The following MDGA2 variants were observed in gnomAD, a reference collection of about 807,000 sequenced individuals.
MDGA2 encodes MAM domain containing glycosylphosphatidylinositol anchor 2.
In MDGA2, 40 loss-of-function variants were observed where a neutral mutation model predicts 117.8. The observed-to-expected ratio is 0.34, with a 90% CI of 0.26 to 0.44. The LOEUF is 0.44. Among genes scored for constraint, MDGA2 ranks in the 20% least tolerant of loss-of-function variants. MDGA2 has a pLI of 1.00. For synonymous variants in MDGA2, 452 were observed against 439.0 expected (o/e 1.03, Z -0.37); for missense variants, 1,123 against 1,250.6 (o/e 0.90, Z 1.54).
chr14:47,026,977 G>A (rs1327841255), intron 8 of MDGA2, among the ~76,000 whole-genome samples: 1 of 151,886 alleles, frequency 6.6e-6, no homozygotes, highest in Non-Finnish European at 1.5e-5. Context: ...TTTGAATCCA[G>A]GCTGGGCAAC....
chr14:46,932,017 C>A (rs73237212), intron 9 of MDGA2, among the ~76,000 whole-genome samples: 3 of 151,374 alleles, frequency 2.0e-5, no homozygotes, highest in African/African-American at 7.3e-5. Flanking sequence ...TGTACATAAC[C>A]CATAATTCGA....
intron 3 of MDGA2, among the ~76,000 whole-genome samples, chr14:47,158,724 G>C (rs1479080133): frequency 1.3e-5 from 2 of 152,056 alleles, no homozygotes; most frequent in African/African-American, 4.8e-5. Flanking sequence ...CAAAGTGCTG[G>C]GATTACAGGC....
chr14:47,346,996 C>G (rs8004035), intron 1 of MDGA2, among the ~76,000 whole-genome samples: 2 of 151,878 alleles, frequency 1.3e-5, no homozygotes, highest in Non-Finnish European at 2.9e-5. Flanking sequence ...AATGGAAGGA[C>G]AACTGGGACG....
Position 47,449,287 on chromosome 14 carries a change from T to C in MDGA2, c.281-147737A>G, listed in dbSNP as rs182876907. Among the ~76,000 whole-genome samples, 336 of 152,266 alleles carry C rather than the reference T, an allele frequency of 2.2e-3. 3 individuals are homozygous for C. Among genetic ancestry groups the C allele is most frequent in the African/African-American group, 7.8e-3 (324 of 41,560 alleles). ...TATACCAACAAAAGCATATTTCATA[T>C]TTTAAATTCGAGTTGCTTATGGGTC... On this transcript the variant is annotated intron_variant, in intron 1 of 16. Coordinates refer to ENST00000399232, the MANE Select transcript of MDGA2 (RefSeq NM_001113498.3).
chr14:47,128,312 T>C (rs898090036), intron 5 of MDGA2, among the ~76,000 whole-genome samples: 1 of 152,088 alleles, frequency 6.6e-6, no homozygotes, highest in Non-Finnish European at 1.5e-5. Context: ...ACACTAAAGA[T>C]TTTAAAAATT....
chr14:47,300,413 C>CAT (rs764326038), intron 2 of MDGA2, among the ~76,000 whole-genome samples: 2 of 151,882 alleles, frequency 1.3e-5, no homozygotes, highest in East Asian at 1.9e-4. Flanking sequence ...ATTGTTGCAT[C>CAT]ATATATATAT....
intron 9 of MDGA2, among the ~76,000 whole-genome samples, chr14:46,941,088 A>G (rs1884981531): frequency 6.6e-6 from 1 of 152,236 alleles, no homozygotes; most frequent in African/African-American, 2.4e-5. Flanking sequence ...GAAAAAGAAT[A>G]GAGCACAAAT....
rs368132426 is a variant in MDGA2 at position 47,335,428 on chromosome 14, G to A, written c.281-33878C>T. On this transcript the variant is annotated intron_variant, in intron 1 of 16. Transcript: ENST00000399232. Reference sequence around the variant, plus strand: ...GAATGAGCCATATGGATATGTAGGCGAAAAGCCTTCCAAGTTTTGGAAGCA... The same window carrying A: ...GAATGAGCCATATGGATATGTAGGCAAAAAGCCTTCCAAGTTTTGGAAGCA... Among the ~76,000 whole-genome samples the A allele has an allele frequency of 5.0e-4, 76 of 151,446 alleles. No individual in the cohort carries two copies. The Middle Eastern group carries it at 0.01, about 20-fold the overall frequency.
At chr14:47,118,335 T>C (rs1266489994) in intron 5 of MDGA2, among the ~76,000 whole-genome samples, 2 of 152,152 alleles carry the variant, frequency 1.3e-5, no homozygotes, top group East Asian at 1.9e-4. Context: ...AAGAACTAAA[T>C]AGGTTACTAC....
At chr14:47,481,116 G>T (rs905477412) in intron 1 of MDGA2, among the ~76,000 whole-genome samples, 1 of 151,910 alleles carries the variant, frequency 6.6e-6, no homozygotes, top group African/African-American at 2.4e-5. Context: ...ACCAGATCCA[G>T]TTCTTGCCTA....
chr14:47,034,978 C>T (rs950736121), intron 8 of MDGA2, 33 bp downstream of exon 8: 1 of 1,573,204 alleles, frequency 6.4e-7, no homozygotes, highest in Non-Finnish European at 8.7e-7. Flanking sequence ...CCCTTGTCCC[C>T]ATATGGAAAT....
At chr14:46,874,250 C>T in intron 12 of MDGA2, 50 bp from the exon 13 acceptor site, 1 of 907,712 alleles carries the variant, frequency 1.1e-6, no homozygotes, top group East Asian at 3.3e-5. Flanking sequence ...AATACACATA[C>T]TGCAATATTT....
chr14:46,917,678 A>G (rs1373065021), intron 10 of MDGA2, among the ~76,000 whole-genome samples: 1 of 152,214 alleles, frequency 6.6e-6, no homozygotes, highest in Non-Finnish European at 1.5e-5. Context: ...TTTCAAAAGG[A>G]ACAATACAAT....
intron 8 of MDGA2, among the ~76,000 whole-genome samples, chr14:47,021,420 T>C (rs142332753): frequency 0.024 from 3,655 of 152,278 alleles, 71 homozygotes; most frequent in Middle Eastern, 0.054. Context: ...TCATTATATA[T>C]AGCAAGAATT....
chr14:46,939,399 A>C (rs552929173), intron 9 of MDGA2, among the ~76,000 whole-genome samples: 1 of 152,194 alleles, frequency 6.6e-6, no homozygotes, highest in Admixed American at 6.5e-5. Context: ...ATTATAAGTC[A>C]CTTAAAAAGT....
chr14:47,351,077 A>T (rs1890867815), intron 1 of MDGA2, among the ~76,000 whole-genome samples: 1 of 68,054 alleles, frequency 1.5e-5, no homozygotes, highest in Non-Finnish European at 3.4e-5. Context: ...AGGCCCGGCT[A>T]ATTTTTTTTT....
chr14:46,887,628 C>G (rs1437795128), intron 10 of MDGA2, among the ~76,000 whole-genome samples: 1 of 151,810 alleles, frequency 6.6e-6, no homozygotes, highest in African/African-American at 2.4e-5. Context: ...GATAAAAATC[C>G]TAATTCCACA....
chr14:46,957,447 A>G lies in MDGA2; in HGVS notation c.2016T>C (p.Asn672=). 1 of 1,614,134 alleles carries G rather than the reference A, an allele frequency of 6.2e-7. No homozygotes were observed. The highest frequency in any genetic ancestry group is 8.5e-7 in the Non-Finnish European group (1 of 1,180,004). Residue 672 remains asparagine (N), a synonymous_variant, in exon 9 of 17, where the codon AAT becomes AAC. Transcript: ENST00000399232. ...TACAGTTATAAACCCCATAGTTTTCATTGGAAAGACTCTTCACAGCGTACT... is the reference window on the plus strand; with the variant it reads ...TACAGTTATAAACCCCATAGTTTTCGTTGGAAAGACTCTTCACAGCGTACT... The part of the protein sequence containing the change: ...YTEYAVKSLS[N]ENYGVYNCSI...
chr14:47,608,106 C>A (rs1896774003), intron 1 of MDGA2, among the ~76,000 whole-genome samples: 1 of 152,020 alleles, frequency 6.6e-6, no homozygotes, highest in Non-Finnish European at 1.5e-5. Context: ...ATAATGTAAG[C>A]CCAATAAAAT....
Sources: gnomAD v4.1 joint callset for allele counts (sites outside exome capture counted in the v4.1 genomes callset) on GRCh38, gnomAD v4.1.1 for gene constraint, MANE v1.5 for transcripts, NCBI Gene and HGNC (gene_info 2026-07-23, HGNC 2026-07-21) for gene names.